Variants in UBR3 observed in about 807,000 individuals in gnomAD.
The protein encoded by UBR3 is E3 ubiquitin-protein ligase UBR3.
In UBR3, 85 loss-of-function variants were observed where a neutral mutation model predicts 243.2. That is an observed-to-expected ratio of 0.35 (90% CI 0.29 to 0.42). UBR3 has a LOEUF of 0.42. Among genes scored for constraint, UBR3 ranks in the 10% least tolerant of loss-of-function variants. UBR3 has a pLI of 1.00. For missense variants in UBR3, 1,686 were observed against 2,300.8 expected (o/e 0.73, Z 5.47); for synonymous variants, 748 against 799.8 (o/e 0.94, Z 1.09).
intron 1 of UBR3, among the ~76,000 whole-genome samples, chr2:169,846,055 TAAATGTCAA>T (rs1278156765): frequency 1.3e-5 from 2 of 151,168 alleles, no homozygotes; most frequent in African/African-American, 4.8e-5. Context: ...TAGTGTTTTA[TAAATGTCAA>T]TTTAGTCAAG....
intron 30 of UBR3, among the ~76,000 whole-genome samples, chr2:170,025,671 T>C (rs10189398): frequency 0.38 from 58,380 of 151,912 alleles, 11,308 homozygotes; most frequent in South Asian, 0.51. Flanking sequence ...GAGTGAGCAT[T>C]CTGTTGAGCA....
chr2:170,043,206 T>A (rs2091009779), intron 32 of UBR3, among the ~76,000 whole-genome samples: 4 of 152,124 alleles, frequency 2.6e-5, no homozygotes, highest in Admixed American at 1.3e-4. Flanking sequence ...GAAGATTGTC[T>A]CTCTGTCACT....
intron 24 of UBR3, among the ~76,000 whole-genome samples, chr2:169,983,197 T>TG (rs2088827753): frequency 6.7e-6 from 1 of 150,020 alleles, no homozygotes; most frequent in Admixed American, 6.6e-5. Context: ...CTATGCAAGA[T>TG]CACCTGAGGC....
intron 8 of UBR3, among the ~76,000 whole-genome samples, chr2:169,904,880 T>C (rs1208333188): frequency 6.6e-6 from 1 of 152,202 alleles, no homozygotes; most frequent in African/African-American, 2.4e-5. Flanking sequence ...TAAGTACTTT[T>C]GTTAATGCTT....
intron 24 of UBR3, among the ~76,000 whole-genome samples, chr2:169,979,369 C>T (rs1476263690): frequency 2.0e-5 from 3 of 152,154 alleles, no homozygotes; most frequent in Non-Finnish European, 4.4e-5. Context: ...CTTAATCTTA[C>T]CATATGATCC....
At chr2:169,989,284 CTATT>C (rs146909614) in intron 25 of UBR3, among the ~76,000 whole-genome samples, 1 of 151,938 alleles carries the variant, frequency 6.6e-6, no homozygotes, top group Admixed American at 6.6e-5. Context: ...CCCATTGTCT[CTATT>C]TATTTATTTA....
chr2:170,039,101 A>G lies in UBR3; in HGVS notation c.4557-1781A>G, dbSNP rs2090901994. Among the ~76,000 whole-genome samples, 6 of 152,304 alleles carry G rather than the reference A, an allele frequency of 3.9e-5. No individual in the cohort carries two copies. The South Asian group carries it at 1.2e-3, about 32-fold the overall frequency. ...TCCTTAGTGAGAAAAGAAAGGGAGA[A>G]TTGGAATCTTGAGGAATAACAGTTT... is the stretch of plus-strand genomic sequence containing the variant. On this transcript the variant is annotated intron_variant, in intron 31 of 38. Transcript: ENST00000272793.
At chr2:170,017,196 G>A (rs926318455) in intron 30 of UBR3, among the ~76,000 whole-genome samples, 12 of 142,812 alleles carry the variant, frequency 8.4e-5, no homozygotes, top group Non-Finnish European at 1.2e-4. Flanking sequence ...AACTTCAGTG[G>A]TATTATTAAA....
intron 32 of UBR3, among the ~76,000 whole-genome samples, chr2:170,043,180 G>A (rs925426137): frequency 2.0e-5 from 3 of 152,020 alleles, no homozygotes; most frequent in Admixed American, 6.6e-5. Context: ...TAAAAGAGAA[G>A]GAAACTTGAC....
intron 25 of UBR3, among the ~76,000 whole-genome samples, chr2:169,988,760 C>T (rs1260128735): frequency 2.6e-5 from 4 of 152,188 alleles, no homozygotes; most frequent in African/African-American, 9.6e-5. Context: ...TGAGATTGCA[C>T]TCTAGCCTGC....
intron 1 of UBR3, among the ~76,000 whole-genome samples, chr2:169,859,414 G>C (rs1171716811): frequency 6.6e-6 from 1 of 152,078 alleles, no homozygotes; most frequent in East Asian, 1.9e-4. Flanking sequence ...TTTGGGGTTT[G>C]AGTATTTTGG....
intron 31 of UBR3, among the ~76,000 whole-genome samples, chr2:170,039,663 G>T (rs1221912414): frequency 6.6e-6 from 1 of 152,108 alleles, no homozygotes; most frequent in Non-Finnish European, 1.5e-5. Flanking sequence ...TAAAAGAGTT[G>T]AAGAATTTTG....
At chr2:169,993,745 CTTTTA>C (rs1456955350) in intron 25 of UBR3, among the ~76,000 whole-genome samples, 5 of 152,154 alleles carry the variant, frequency 3.3e-5, no homozygotes, top group South Asian at 2.1e-4. Flanking sequence ...CCCTTTTACC[CTTTTA>C]TTTGATTTTC....
intron 5 of UBR3, among the ~76,000 whole-genome samples, chr2:169,886,103 G>T (rs1269042593): frequency 1.3e-5 from 2 of 149,746 alleles, no homozygotes; most frequent in Admixed American, 6.7e-5. Context: ...GTTGAAGTGA[G>T]CCGAGATCGC....
At chr2:169,846,993 C>A (rs190298903) in intron 1 of UBR3, among the ~76,000 whole-genome samples, 2 of 152,228 alleles carry the variant, frequency 1.3e-5, no homozygotes, top group East Asian at 1.9e-4. Flanking sequence ...GCCCCTTGGC[C>A]TTTCAAAGTG....
rs544974959 is a variant in UBR3, at chr2:169,838,387, T to TTGTGTG, written c.545+10391_545+10396dup. ...GCTGGGAAGTCCAAGATTAAGGCAT[T>TTGTGTG]TGTGTGTGTGTGTGTGTGTGTGTGT... On this transcript the variant is annotated intron_variant, in intron 1 of 38. Coordinates refer to ENST00000272793, the MANE Select transcript of UBR3 (RefSeq NM_172070.4). 3.3e-3 allele frequency among the ~76,000 whole-genome samples: 378 copies of TTGTGTG among 114,448 alleles called. 2 individuals are homozygous for TTGTGTG. Among genetic ancestry groups the TTGTGTG allele is most frequent in the Middle Eastern group, 0.013 (3 of 234 alleles). 75.1% of individuals were successfully genotyped at this position (114,448 alleles called of 152,430 possible). A position where few individuals can be genotyped will look rare whatever the true frequency, so the allele number is the denominator to read the frequency against.
chr2:169,860,635 C>T (rs1400600832), intron 1 of UBR3, among the ~76,000 whole-genome samples: 1 of 151,980 alleles, frequency 6.6e-6, no homozygotes, highest in Non-Finnish European at 1.5e-5. Flanking sequence ...ACTTGAGCAT[C>T]TTTTCATATG....
At chr2:170,028,480 TAAG>T (rs1212226294) in intron 30 of UBR3, among the ~76,000 whole-genome samples, 6 of 151,858 alleles carry the variant, frequency 4.0e-5, no homozygotes, top group African/African-American at 9.7e-5. Flanking sequence ...AATCATATGT[TAAG>T]AAGTATCATA....
intron 1 of UBR3, among the ~76,000 whole-genome samples, chr2:169,846,797 A>G (rs958844494): frequency 5.9e-5 from 9 of 152,288 alleles, no homozygotes; most frequent in Middle Eastern, 3.4e-3. Flanking sequence ...CAGTGGCACA[A>G]TCATGGCTCA....
Sources: allele counts gnomAD v4.1 joint callset (sites outside exome capture counted in the v4.1 genomes callset), GRCh38; gene constraint gnomAD v4.1.1; transcripts MANE v1.5; gene names NCBI Gene and HGNC (gene_info 2026-07-23, HGNC 2026-07-21).